The following SPATA13 variants were observed in gnomAD, a reference collection of about 807,000 sequenced individuals.
SPATA13 encodes the protein spermatogenesis-associated protein 13.
In SPATA13, 50 loss-of-function variants were observed where a neutral mutation model predicts 104.0. The ratio of observed to expected loss-of-function variants is 0.48; its 90% CI spans 0.38 to 0.61. SPATA13 has a LOEUF of 0.61. Among genes scored for constraint, SPATA13 ranks in the 20% least tolerant of loss-of-function variants. The pLI is 0.00. For synonymous variants in SPATA13, 606 were observed against 667.5 expected, an observed-to-expected ratio of 0.91 and a Z score of 1.42; for missense variants, 1,524 against 1,690.6, an observed-to-expected ratio of 0.90 and a Z score of 1.73.
intron 3 of SPATA13, among the ~76,000 whole-genome samples, chr13:24,077,717 T>A (rs1393568477): frequency 6.6e-6 from 1 of 152,192 alleles, no homozygotes; most frequent in Non-Finnish European, 1.5e-5. Context: ...CACTATGCTG[T>A]AGGCCCCAGG....
chr13:24,262,648 G>A (rs1464173006), intron 4 of SPATA13, among the ~76,000 whole-genome samples: 2 of 152,196 alleles, frequency 1.3e-5, no homozygotes, highest in Non-Finnish European at 2.9e-5. Flanking sequence ...TGTAATGGGA[G>A]AAACTAATAT....
At position 24,142,551 on chromosome 13, in the gene SPATA13, C is replaced by T. The variant is rs572339797; in HGVS notation, c.-111-80268C>T. ...TATCACAGAACAGATGCTGCACCTT[C>T]CCAGTGCATGGGAAGTGTTTTTCCT... On this transcript the variant is annotated intron_variant, in intron 3 of 14. Coordinates refer to the SPATA13 transcript ENST00000424834. 2.7e-3 allele frequency among the ~76,000 whole-genome samples: 417 copies of T among 152,252 alleles called. 2 individuals carry two copies. The highest frequency in any genetic ancestry group is 9.8e-3 in the African/African-American group (406 of 41,540).
chr13:23,983,534 G>C (rs2091182110), intron 1 of SPATA13, among the ~76,000 whole-genome samples: 1 of 152,122 alleles, frequency 6.6e-6, no homozygotes, highest in Non-Finnish European at 1.5e-5. Context: ...GACAAAACCT[G>C]TTGACCTGTT....
exon 2 of SPATA13, chr13:23,983,913 A>T (rs998194734): frequency 6.1e-5 from 60 of 985,352 alleles, no homozygotes; most frequent in Non-Finnish European, 7.0e-5. Flanking sequence ...CGTAGGCCTC[A>T]CAAACATCCT....
chr13:24,073,345 T>C (rs999019889), intron 3 of SPATA13, among the ~76,000 whole-genome samples: 12 of 152,244 alleles, frequency 7.9e-5, no homozygotes, highest in Non-Finnish European at 1.3e-4. Flanking sequence ...AAGTGGCTTA[T>C]GCGCCATCAG....
chr13:24,147,602 T>A (rs114712191), intron 3 of SPATA13, among the ~76,000 whole-genome samples: 4,162 of 152,168 alleles, frequency 0.027, 97 homozygotes, highest in African/African-American at 0.065. Flanking sequence ...CCACACCTTT[T>A]AAAAAAACTT....
At position 24,114,389 on chromosome 13, in the gene SPATA13, G is replaced by GCC. The variant is rs879564353; in HGVS notation, c.-112+96688_-112+96689insCC. On this transcript the variant is annotated intron_variant, in intron 3 of 14. Coordinates refer to the SPATA13 transcript ENST00000424834. ...CCTGCATGTGTGCACATGCGCGTGT[G>GCC]TGTGCATGTGTGCACACATGTAGAG... is the stretch of plus-strand genomic sequence containing the variant. 9.2e-3 allele frequency among the ~76,000 whole-genome samples: 1,396 copies of GCC among 152,314 alleles called. 8 individuals are homozygous for GCC. Among genetic ancestry groups the GCC allele is most frequent in the Middle Eastern group, 0.02 (6 of 294 alleles).
chr13:24,203,799 G>C (rs1368997758), intron 1 of SPATA13, among the ~76,000 whole-genome samples: 1 of 152,174 alleles, frequency 6.6e-6, no homozygotes, highest in African/African-American at 2.4e-5. Context: ...CCCACAGAAG[G>C]ATAAATTTAC....
At chr13:24,070,734 T>C (rs1879127926) in intron 3 of SPATA13, among the ~76,000 whole-genome samples, 1 of 152,204 alleles carries the variant, frequency 6.6e-6, no homozygotes, top group African/African-American at 2.4e-5. Context: ...GTTAAAGGCC[T>C]CAATAGAACG....
At chr13:24,229,040 CAGTGG>C (rs1593440554) in intron 2 of SPATA13, among the ~76,000 whole-genome samples, 2 of 152,164 alleles carry the variant, frequency 1.3e-5, no homozygotes, top group Non-Finnish European at 2.9e-5. Flanking sequence ...GCTTTAAGAG[CAGTGG>C]TTTGTTGAAC....
chr13:24,165,197 C>T (rs1475255107), intron 1 of SPATA13, among the ~76,000 whole-genome samples: 3 of 152,152 alleles, frequency 2.0e-5, no homozygotes, highest in East Asian at 1.9e-4. Context: ...TTCCCTGAAG[C>T]GGGACTGCCC....
At chr13:24,275,233 G>C (rs753328293) in intron 4 of SPATA13, among the ~76,000 whole-genome samples, 1 of 152,210 alleles carries the variant, frequency 6.6e-6, no homozygotes, top group African/African-American at 2.4e-5. Flanking sequence ...AAAGCAGAGA[G>C]GGGGAGGAAA....
intron 4 of SPATA13, among the ~76,000 whole-genome samples, chr13:24,266,587 A>G (rs560158915): frequency 4.9e-4 from 75 of 151,888 alleles, no homozygotes; most frequent in African/African-American, 1.7e-3. Context: ...CACAATCTTC[A>G]GTGTTTATTT....
intron 3 of SPATA13, among the ~76,000 whole-genome samples, chr13:24,067,434 G>A (rs986391390): frequency 3.9e-5 from 6 of 152,112 alleles, no homozygotes; most frequent in African/African-American, 1.2e-4. Context: ...TTCATAAAAA[G>A]CAAGACATAA....
intron 2 of SPATA13, among the ~76,000 whole-genome samples, chr13:24,227,862 G>T (rs755588454): frequency 1.1e-4 from 16 of 151,926 alleles, no homozygotes; most frequent in Admixed American, 2.0e-4. Flanking sequence ...GAGCCACCAC[G>T]CCCGGCCTCA....
At chr13:24,019,432 G>T (rs979201110) in intron 3 of SPATA13, among the ~76,000 whole-genome samples, 2 of 152,206 alleles carry the variant, frequency 1.3e-5, no homozygotes, top group African/African-American at 4.8e-5. Flanking sequence ...GTTTTATACT[G>T]TATGGTTTGA....
intron 3 of SPATA13, among the ~76,000 whole-genome samples, chr13:24,099,493 A>AT (rs2137800169): frequency 6.6e-6 from 1 of 152,326 alleles, no homozygotes; most frequent in South Asian, 2.1e-4. Context: ...CAGTGCAGAC[A>AT]TGGGGCATTT....
At chr13:24,278,805 A>G (rs1311875829) in intron 4 of SPATA13, 1 of 1,600,034 alleles carries the variant, frequency 6.2e-7, no homozygotes, top group African/African-American at 1.3e-5. Flanking sequence ...AAAAATGTGC[A>G]TCGCTATCAT....
intron 1 of SPATA13, chr13:23,983,657 TA>T (rs72004531): frequency 0.15 from 19,456 of 133,710 alleles, 1,555 homozygotes; most frequent in African/African-American, 0.23. Context: ...TTTTTTTTTT[TA>T]AAAAACATCC....
Sources: gnomAD v4.1 joint callset for allele counts (sites outside exome capture counted in the v4.1 genomes callset) on GRCh38, gnomAD v4.1.1 for gene constraint, MANE v1.5 for transcripts, NCBI Gene and HGNC (gene_info 2026-07-23, HGNC 2026-07-21) for gene names.